The following TCOF1 variants were observed in gnomAD, a reference collection of about 807,000 sequenced individuals.
TCOF1 encodes the protein treacle ribosome biogenesis factor 1.
TCOF1 carries 33 observed loss-of-function variants against 149.0 expected under a neutral mutation model. The observed-to-expected ratio is 0.22, with a 90% CI of 0.17 to 0.30. The LOEUF is 0.30. TCOF1 is among the 10% of genes least tolerant of loss of function. The pLI is 1.00. For synonymous variants in TCOF1, 789 were observed against 738.8 expected (o/e 1.07, Z -1.10); for missense variants, 1,728 against 1,840.7 (o/e 0.94, Z 1.12).
chr5:150,383,731 T>C (rs1765707774), intron 17 of TCOF1: 1 of 1,551,838 alleles, frequency 6.4e-7, no homozygotes, highest in Non-Finnish European at 8.7e-7. Context: ...CTCTGTTTTC[T>C]GTTTAGGACC....
chr5:150,398,536 C>A, intron 25 of TCOF1, 85 bp downstream of exon 25: 2 of 1,596,962 alleles, frequency 1.3e-6, no homozygotes, highest in Non-Finnish European at 1.7e-6. Flanking sequence ...GTTCCTGCCC[C>A]CTTCCCATTT....
chr5:150,393,658 GC>G, intron 23 of TCOF1, 106 bp downstream of exon 23: 2 of 1,437,658 alleles, frequency 1.4e-6, no homozygotes, highest in Non-Finnish European at 1.9e-6. Flanking sequence ...GGTCCTGTCT[GC>G]CCCCAGAGCC....
At chr5:150,396,917 G>GC in intron 24 of TCOF1, 75 bp downstream of exon 24, 1 of 1,501,586 alleles carries the variant, frequency 6.7e-7, no homozygotes, top group African/African-American at 1.4e-5. Context: ...CCCTCAGCCA[G>GC]CACCTGGTCT....
At chr5:150,360,733 T>C (rs950901715) in intron 1 of TCOF1, among the ~76,000 whole-genome samples, 3 of 76,464 alleles carry the variant, frequency 3.9e-5, no homozygotes, top group Non-Finnish European at 6.9e-5. Flanking sequence ...AAAGACCCTC[T>C]TTTTTTTTTT....
At chr5:150,387,827 TCC>T (rs2150980798) in intron 17 of TCOF1, 73 bp from the exon 18 acceptor site, 2 of 1,602,744 alleles carry the variant, frequency 1.2e-6, no homozygotes, top group East Asian at 4.5e-5. Flanking sequence ...TGTAAAACAC[TCC>T]CTAACCCCAT....
At chr5:150,358,205 C>A (rs937110096) in intron 1 of TCOF1, among the ~76,000 whole-genome samples, 3 of 152,170 alleles carry the variant, frequency 2.0e-5, no homozygotes, top group Non-Finnish European at 2.9e-5. Flanking sequence ...CGCGGCCCCC[C>A]CTGGGGCAAG....
intron 6 of TCOF1, among the ~76,000 whole-genome samples, chr5:150,370,721 C>T (rs1473252216): frequency 1.3e-5 from 2 of 152,190 alleles, no homozygotes; most frequent in African/African-American, 4.8e-5. Flanking sequence ...AAGTGCAGCA[C>T]TCTGGGAGGC....
chr5:150,397,582 A>G (rs1416495717), intron 24 of TCOF1, among the ~76,000 whole-genome samples: 1 of 152,092 alleles, frequency 6.6e-6, no homozygotes, highest in Non-Finnish European at 1.5e-5. Context: ...GAGTTTTGCT[A>G]GGTGGAGCCA....
At chr5:150,371,829 T>C (rs1255744711) in intron 6 of TCOF1, among the ~76,000 whole-genome samples, 177 bp from the exon 7 acceptor site, 3 of 152,216 alleles carry the variant, frequency 2.0e-5, no homozygotes. Flanking sequence ...TTTACCTCTT[T>C]AAGCCTTGTG....
At chr5:150,391,919 A>C (rs1334934099) in intron 20 of TCOF1, 38 bp from the exon 21 acceptor site, 1 of 1,607,472 alleles carries the variant, frequency 6.2e-7, no homozygotes, top group Non-Finnish European at 8.5e-7. Context: ...TACTTGCCCT[A>C]ATTTTTCCTT....
rs193016149 is a variant in TCOF1 at position 150,359,464 on chromosome 5, G to A, written c.108+1610G>A. ...CTGGTGGGCAGTTTGATCTTCCTTG[G>A]AAGAGCAGTGGTAAACCAATGGAGA... On this transcript the variant is annotated intron_variant, in intron 1 of 26. Transcript: ENST00000643257. 1.7e-3 allele frequency among the ~76,000 whole-genome samples: 261 copies of A among 152,322 alleles called. 1 individual carries two copies. The highest frequency in any genetic ancestry group is 3.8e-3 in the Admixed American group (58 of 15,298).
At chr5:150,363,975 T>C in intron 2 of TCOF1, 138 bp from the exon 3 acceptor site, 1 of 1,247,632 alleles carries the variant, frequency 8.0e-7, no homozygotes, top group Non-Finnish European at 1.2e-6. Context: ...ATTGTGCCTA[T>C]ACTGTGTTTT....
chr5:150,378,776 G>C (rs1256674094), intron 14 of TCOF1, 129 bp from the exon 15 acceptor site: 2 of 1,349,068 alleles, frequency 1.5e-6, no homozygotes, highest in Non-Finnish European at 2.1e-6. Flanking sequence ...GATGAGCTCA[G>C]GTTCACACGC....
At chr5:150,390,383 C>T (rs1767160207) in intron 19 of TCOF1, among the ~76,000 whole-genome samples, 2 of 152,166 alleles carry the variant, frequency 1.3e-5, no homozygotes, top group South Asian at 4.1e-4. Flanking sequence ...CAGCATTCTT[C>T]CAAGCCTTTA....
chr5:150,398,308 TAGG>T, intron 24 of TCOF1, 43 bp from the exon 25 acceptor site: 15 of 1,611,166 alleles, frequency 9.3e-6, no homozygotes, highest in Non-Finnish European at 1.3e-5. Context: ...CCCCAGCACT[TAGG>T]ATTACCATCT....
chr5:150,372,262 T>A, intron 7 of TCOF1, 26 bp downstream of exon 7: 1 of 1,584,260 alleles, frequency 6.3e-7, no homozygotes, highest in South Asian at 1.1e-5. Context: ...GGGCTGCCCC[T>A]TGGAGGACCT....
rs555169628 is a variant in TCOF1, at chr5:150,393,632, A to C, written c.3784+80A>C. On this transcript the variant is annotated intron_variant, in intron 23 of 26. Coordinates refer to ENST00000643257, the MANE Select transcript of TCOF1 (RefSeq NM_001371623.1). ...GGCCCCTTCTTGCCCTCCTGTAGCA[A>C]CAGTCCTCCCAACATGGTCCTGTCT... 5 of 1,574,498 alleles carry C rather than the reference A, an allele frequency of 3.2e-6. No homozygotes were observed. In the South Asian group the frequency reaches 3.4e-5, roughly 11 times the overall value.
In TCOF1 at chr5:150,374,787, C is replaced by G; in HGVS notation, c.1254C>G (p.Asp418Glu). 1 of 1,611,492 alleles carries G rather than the reference C, an allele frequency of 6.2e-7. No homozygotes were observed. The highest frequency in any genetic ancestry group is 8.5e-7 in the Non-Finnish European group (1 of 1,178,952). Residue 418 changes from aspartate (D) to glutamate (E), a missense_variant, in exon 9 of 27, where the codon GAC (aspartate) becomes GAG (glutamate). Around this residue, in one of 2 missense-constraint regions of TCOF1, gnomAD observed 1,696 missense variants for 1,765.4 expected, o/e 0.96. Transcript: ENST00000643257. Reference protein sequence around the residue: ...EDSQSSSEESDSEEEAPAQAK... With the variant: ...EDSQSSSEESESEEEAPAQAK... ...CGCAGAGCAGCAGCGAGGAATCGGA[C>G]AGTGAGGAGGAGGCGCCTGCTCAGG...
intron 22 of TCOF1, 69 bp from the exon 23 acceptor site, chr5:150,393,303 C>A: frequency 6.2e-7 from 1 of 1,600,850 alleles, no homozygotes; most frequent in East Asian, 2.2e-5. Flanking sequence ...CACAGCAGGC[C>A]ATGACTCGGG....
Sources: allele counts gnomAD v4.1 joint callset (sites outside exome capture counted in the v4.1 genomes callset), GRCh38; gene constraint gnomAD v4.1.1; regional missense constraint gnomAD v4.1.1; transcripts MANE v1.5; gene names NCBI Gene and HGNC (gene_info 2026-07-23, HGNC 2026-07-21).